Variants in SIMC1 observed in about 807,000 individuals in gnomAD.
SIMC1 encodes SUMO-interacting motif-containing protein 1.
SIMC1 carries 55 observed loss-of-function variants against 82.3 expected under a neutral mutation model. The ratio of observed to expected loss-of-function variants is 0.67; its 90% CI spans 0.54 to 0.84. SIMC1 has a LOEUF of 0.84. SIMC1 is among the 40% of genes least tolerant of loss of function. SIMC1 has a pLI of 0.00. For synonymous variants in SIMC1, 353 were observed against 426.3 expected (o/e 0.83, Z 2.12); for missense variants, 915 against 1,107.2 (o/e 0.83, Z 2.46).
At chr5:176,247,651 C>T (rs1761494035) in intron 1 of SIMC1, among the ~76,000 whole-genome samples, 1 of 152,056 alleles carries the variant, frequency 6.6e-6, no homozygotes, top group African/African-American at 2.4e-5. Context: ...GTTGCCATTG[C>T]TTTTGGTGTT....
intron 7 of SIMC1, among the ~76,000 whole-genome samples, chr5:176,331,973 A>C (rs188436537): frequency 7.7e-4 from 117 of 152,232 alleles, no homozygotes; most frequent in African/African-American, 2.5e-3. Context: ...TCTAAAAAAA[A>C]AAACAAACAA....
chr5:176,322,573 G>A, intron 6 of SIMC1, 148 bp downstream of exon 6: 1 of 1,020,546 alleles, frequency 9.8e-7, no homozygotes, highest in Non-Finnish European at 1.4e-6. Flanking sequence ...TTAACTAGAG[G>A]CTAAATTTCT....
chr5:176,266,572 A>C (rs1762219560), intron 1 of SIMC1, among the ~76,000 whole-genome samples: 1 of 124,482 alleles, frequency 8.0e-6, no homozygotes, highest in Non-Finnish European at 1.6e-5. Flanking sequence ...AACAACAAAA[A>C]CCCCACAACA....
intron 4 of SIMC1, among the ~76,000 whole-genome samples, chr5:176,311,693 T>G (rs1764672050): frequency 6.6e-6 from 1 of 152,106 alleles, no homozygotes; most frequent in Non-Finnish European, 1.5e-5. Context: ...ACAAAAAAAC[T>G]TCACAAGAAA....
At chr5:176,265,121 C>T (rs901487293) in intron 1 of SIMC1, among the ~76,000 whole-genome samples, 13 of 152,124 alleles carry the variant, frequency 8.5e-5, no homozygotes, top group South Asian at 4.1e-4. Context: ...AAGGAATATA[C>T]CCACCCCCAA....
At chr5:176,304,213 G>GCTCCTTCTCCCTCTCCCT (rs1764171199) in intron 4 of SIMC1, 1 of 149,400 alleles carries the variant, frequency 6.7e-6, no homozygotes, top group Non-Finnish European at 1.5e-5. Context: ...AAGAACTCCA[G>GCTCCTTCTCCCTCTCCCT]CTCCCTCTCC....
At chr5:176,344,504 C>CCT (rs900878046) in intron 9 of SIMC1, among the ~76,000 whole-genome samples, 5 of 142,404 alleles carry the variant, frequency 3.5e-5, no homozygotes, top group African/African-American at 8.2e-5. Flanking sequence ...CACACACACA[C>CCT]ACCTGAGACT....
chr5:176,254,214 C>G (rs1486098210), intron 1 of SIMC1, among the ~76,000 whole-genome samples: 1 of 152,092 alleles, frequency 6.6e-6, no homozygotes, highest in African/African-American at 2.4e-5. Flanking sequence ...CAGTTTCTGT[C>G]AAGTTACCAA....
chr5:176,298,033 G>C (rs1218977702), intron 4 of SIMC1, among the ~76,000 whole-genome samples: 1 of 152,180 alleles, frequency 6.6e-6, no homozygotes, highest in Non-Finnish European at 1.5e-5. Flanking sequence ...CCAGGCCCTT[G>C]TTACCCCATG....
In SIMC1 at chr5:176,300,095, G is replaced by A. The variant is rs187952139; in HGVS notation, c.1734+3775G>A. Among the ~76,000 whole-genome samples, 767 of 152,186 alleles carry A rather than the reference G, an allele frequency of 5.0e-3. 7 individuals carry two copies. Among genetic ancestry groups the A allele is most frequent in the African/African-American group, 0.017 (723 of 41,524 alleles). On this transcript the variant is annotated intron_variant, in intron 4 of 9. Transcript: ENST00000429602. ...AAATTAAAATGGAAATATGACATAC[G>A]AAAACTTATGGATGCAGCAAAAGCA...
chr5:176,293,969 T>C (rs1367378933), intron 2 of SIMC1, among the ~76,000 whole-genome samples: 1 of 152,154 alleles, frequency 6.6e-6, no homozygotes, highest in East Asian at 1.9e-4. Context: ...TACATATTTT[T>C]TGGGGGAAGA....
intron 2 of SIMC1, among the ~76,000 whole-genome samples, chr5:176,292,675 G>A (rs1763636750): frequency 6.6e-6 from 1 of 152,116 alleles, no homozygotes; most frequent in African/African-American, 2.4e-5. Context: ...CTCCCGCGTA[G>A]CTGGGTTACA....
chr5:176,339,731 C>T (rs2113418539), intron 9 of SIMC1, among the ~76,000 whole-genome samples: 2 of 152,120 alleles, frequency 1.3e-5, no homozygotes, highest in Admixed American at 1.3e-4. Flanking sequence ...ATATATTGAC[C>T]AAGAATAAAT....
chr5:176,295,642 T>G (rs1763781755), intron 3 of SIMC1, among the ~76,000 whole-genome samples: 1 of 149,222 alleles, frequency 6.7e-6, no homozygotes, highest in South Asian at 2.2e-4. Flanking sequence ...TGGGGCCGCA[T>G]GTGGTAGCCT....
chr5:176,293,386 G>C (rs1763665397), intron 2 of SIMC1, among the ~76,000 whole-genome samples: 1 of 151,174 alleles, frequency 6.6e-6, no homozygotes, highest in South Asian at 2.1e-4. Flanking sequence ...AGTGTGCCAG[G>C]ATCACGCCAC....
At chr5:176,320,578 C>T (rs1765119215) in intron 5 of SIMC1, among the ~76,000 whole-genome samples, 1 of 152,010 alleles carries the variant, frequency 6.6e-6, no homozygotes, top group African/African-American at 2.4e-5. Flanking sequence ...CCATTTTGCC[C>T]AGGCTGGTCT....
At chr5:176,284,732 A>G (rs1188825036) in intron 1 of SIMC1, among the ~76,000 whole-genome samples, 6 of 152,104 alleles carry the variant, frequency 3.9e-5, no homozygotes, top group Non-Finnish European at 7.4e-5. Context: ...AAATCAATGA[A>G]TCTAGGAGCT....
rs192344008 is a variant in SIMC1 at position 176,320,912 on chromosome 5, G to A, written c.1890-1361G>A. Among the ~76,000 whole-genome samples the A allele has an allele frequency of 1.4e-3, 214 of 152,110 alleles. 1 individual carries two copies. The highest frequency in any genetic ancestry group is 6.8e-3 in the Middle Eastern group (2 of 294). ...AAAACATGGCACAGTGGCTTTATTT[G>A]CTCAGTTAATTGGTTGCTTTTAATT... is the stretch of plus-strand genomic sequence containing the variant. On this transcript the variant is annotated intron_variant, in intron 5 of 9. Transcript: ENST00000429602.
At chr5:176,311,494 C>T (rs918467890) in intron 4 of SIMC1, among the ~76,000 whole-genome samples, 1 of 151,888 alleles carries the variant, frequency 6.6e-6, no homozygotes. Flanking sequence ...CCTCCCACCT[C>T]AGCCTCCCAG....
Sources: allele counts gnomAD v4.1 joint callset (sites outside exome capture counted in the v4.1 genomes callset), GRCh38; gene constraint gnomAD v4.1.1; transcripts MANE v1.5; gene names NCBI Gene and HGNC (gene_info 2026-07-23, HGNC 2026-07-21).